FSHR: variants seen among roughly 807,000 people sequenced by gnomAD.
The protein encoded by FSHR is follicle-stimulating hormone receptor.
FSHR carries 46 observed loss-of-function variants against 52.1 expected under a neutral mutation model. The observed-to-expected ratio is 0.88, with a 90% CI of 0.70 to 1.13. The LOEUF is 1.13. Ranked by LOEUF, FSHR falls within the 50% of genes most tolerant of loss-of-function variation. The pLI is 0.00. For synonymous variants in FSHR, 399 were observed against 309.6 expected (o/e 1.29, Z -3.03); for missense variants, 964 against 834.6 (o/e 1.16, Z -1.91).
At chr2:49,103,855 T>C (rs1671125963) in intron 1 of FSHR, among the ~76,000 whole-genome samples, 1 of 152,158 alleles carries the variant, frequency 6.6e-6, no homozygotes, top group Non-Finnish European at 1.5e-5. Flanking sequence ...ATCATTTTAT[T>C]GCATTGTGAA....
At chr2:49,018,817 T>A (rs927504917) in intron 3 of FSHR, among the ~76,000 whole-genome samples, 1 of 144,094 alleles carries the variant, frequency 6.9e-6, no homozygotes, top group African/African-American at 2.5e-5. Flanking sequence ...CTAAAGAAAT[T>A]CACACACACG....
intron 2 of FSHR, among the ~76,000 whole-genome samples, chr2:49,021,886 T>TATATATATATAGAG (rs1273265515): frequency 1.2e-3 from 29 of 25,110 alleles, no homozygotes; most frequent in East Asian, 5.3e-3. Flanking sequence ...TATATATATA[T>TATATATATATAGAG]AGAGAGAGAG....
intron 2 of FSHR, among the ~76,000 whole-genome samples, chr2:49,042,678 T>C (rs953892729): frequency 6.6e-6 from 1 of 152,208 alleles, no homozygotes; most frequent in Admixed American, 6.5e-5. Flanking sequence ...CCTTTTTTCA[T>C]GACTTCAAAT....
intron 1 of FSHR, among the ~76,000 whole-genome samples, chr2:49,106,286 C>G (rs966627738): frequency 6.6e-6 from 1 of 151,944 alleles, no homozygotes; most frequent in African/African-American, 2.4e-5. Context: ...GAGTGAGTGA[C>G]TATATCAGCG....
At chr2:49,108,725 T>C (rs929873269) in intron 1 of FSHR, among the ~76,000 whole-genome samples, 2 of 152,058 alleles carry the variant, frequency 1.3e-5, no homozygotes, top group African/African-American at 2.4e-5. Flanking sequence ...TTTGAGAACA[T>C]TTAGACTGAG....
At chr2:49,124,945 TC>T (rs946903209) in intron 1 of FSHR, among the ~76,000 whole-genome samples, 9 of 152,196 alleles carry the variant, frequency 5.9e-5, no homozygotes, top group Non-Finnish European at 1.2e-4. Flanking sequence ...CTTACACTAA[TC>T]CCTGTCCACT....
At chr2:49,138,821 A>G (rs993494618) in intron 1 of FSHR, among the ~76,000 whole-genome samples, 44 of 152,200 alleles carry the variant, frequency 2.9e-4, no homozygotes, top group Non-Finnish European at 6.2e-4. Flanking sequence ...ACTTCAAATG[A>G]GAAGATTGTA....
chr2:49,154,134 T>C (rs1354405191), intron 1 of FSHR, 132 bp downstream of exon 1: 1 of 971,352 alleles, frequency 1.0e-6, no homozygotes, highest in East Asian at 2.6e-5. Context: ...GAGTTAGTTG[T>C]TTTATTCAGG....
At chr2:49,081,838 T>G (rs1019171184) in intron 1 of FSHR, among the ~76,000 whole-genome samples, 1 of 152,234 alleles carries the variant, frequency 6.6e-6, no homozygotes, top group Non-Finnish European at 1.5e-5. Flanking sequence ...CCAAATTTAA[T>G]TTCCCTTTGT....
chr2:49,010,777 A>G (rs1026575879), intron 4 of FSHR, among the ~76,000 whole-genome samples: 11 of 152,158 alleles, frequency 7.2e-5, no homozygotes, highest in African/African-American at 2.7e-4. Flanking sequence ...GTGTCAAGGA[A>G]TTTATCCATT....
chr2:49,065,432 A>G (rs1476723502), intron 2 of FSHR, among the ~76,000 whole-genome samples: 2 of 152,084 alleles, frequency 1.3e-5, no homozygotes, highest in African/African-American at 4.8e-5. Flanking sequence ...GTAGGACTGG[A>G]GGAGCACCTT....
At chr2:49,124,008 G>A (rs559906107) in intron 1 of FSHR, among the ~76,000 whole-genome samples, 5 of 150,276 alleles carry the variant, frequency 3.3e-5, no homozygotes, top group South Asian at 2.1e-4. Flanking sequence ...TTTTTGAGAC[G>A]GAATTTCGCT....
chr2:48,968,710 C>A lies in FSHR; in HGVS notation c.842G>T (p.Trp281Leu). ...AGGATGGACTCACATTTGCCGTCTCCAGTTTGCAAAGGCACAGCAATGGCT... is the reference window on the plus strand; with the variant it reads ...AGGATGGACTCACATTTGCCGTCTCAAGTTTGCAAAGGCACAGCAATGGCT... ...YPSHCCAFAN[W>L]RRQISELHPI... The change falls in exon 9 of 10, where the codon TGG becomes TTG. Residue 281 changes from tryptophan to leucine, a missense_variant. Coordinates refer to ENST00000406846, the MANE Select transcript of FSHR (RefSeq NM_000145.4). The A allele has an allele frequency of 6.2e-7, 1 of 1,614,106 alleles. No homozygotes were observed. Among genetic ancestry groups the A allele is most frequent in the Non-Finnish European group, 8.5e-7 (1 of 1,179,984 alleles).
intron 3 of FSHR, among the ~76,000 whole-genome samples, chr2:49,018,577 A>G (rs1306461704): frequency 6.6e-6 from 1 of 152,120 alleles, no homozygotes; most frequent in Non-Finnish European, 1.5e-5. Context: ...TGCCTGCTTG[A>G]CCTTGCCCAG....
chr2:49,129,359 T>C (rs772510742), intron 1 of FSHR, among the ~76,000 whole-genome samples: 19 of 152,178 alleles, frequency 1.2e-4, no homozygotes, highest in Non-Finnish European at 2.4e-4. Context: ...AATTAACCCA[T>C]CCACAGGATG....
chr2:48,982,816 G>C (rs1046908967), intron 8 of FSHR, 96 bp downstream of exon 8: 9 of 1,067,054 alleles, frequency 8.4e-6, no homozygotes, highest in Admixed American at 3.4e-5. Flanking sequence ...TTGATGGCCA[G>C]CCCTGTGTTG....
In FSHR at chr2:49,013,503, T is replaced by TAA. The variant is rs1309018427; in HGVS notation, c.374+3985_374+3986insTT. 3.4e-3 allele frequency among the ~76,000 whole-genome samples: 231 copies of TAA among 68,560 alleles called. 1 individual carries two copies. Among genetic ancestry groups the TAA allele is most frequent in the African/African-American group, 7.1e-3 (218 of 30,566 alleles). The allele number at this position is 68,560 out of a possible 152,430, so 45.0% of individuals were successfully genotyped here. ...ATAAATAAATATATATATATATAAA[T>TAA]ATATATATATATAAATATATATAAA... On this transcript the variant is annotated intron_variant, in intron 4 of 9. Transcript: ENST00000406846.
At chr2:49,116,363 C>G (rs756323731) in intron 1 of FSHR, among the ~76,000 whole-genome samples, 1 of 152,056 alleles carries the variant, frequency 6.6e-6, no homozygotes, top group South Asian at 2.1e-4. Context: ...CTGACACTTG[C>G]GTTACTTAGA....
chr2:48,992,061 T>C (rs1675807671), intron 4 of FSHR, among the ~76,000 whole-genome samples: 1 of 152,160 alleles, frequency 6.6e-6, no homozygotes, highest in Non-Finnish European at 1.5e-5. Flanking sequence ...AATGTCCACA[T>C]AGAAGCTGTC....
Sources: gnomAD v4.1 joint callset for allele counts (sites outside exome capture counted in the v4.1 genomes callset) on GRCh38, gnomAD v4.1.1 for gene constraint, MANE v1.5 for transcripts, NCBI Gene and HGNC (gene_info 2026-07-23, HGNC 2026-07-21) for gene names.